KIAA1549L: variants seen among roughly 807,000 people sequenced by gnomAD.
KIAA1549L encodes UPF0606 protein KIAA1549L.
In KIAA1549L, 88 loss-of-function variants were observed where a neutral mutation model predicts 160.7. The ratio of observed to expected loss-of-function variants is 0.55; its 90% CI spans 0.46 to 0.65. The LOEUF is 0.65. KIAA1549L is among the 30% of genes least tolerant of loss of function. The pLI, the probability that KIAA1549L is intolerant of heterozygous loss-of-function variation, is 0.00. For synonymous variants in KIAA1549L, 950 were observed against 976.7 expected (o/e 0.97, Z 0.51); for missense variants, 2,258 against 2,437.5 (o/e 0.93, Z 1.55).
chr11:33,647,375 CAAAA>C (rs10578169), intron 17 of KIAA1549L, among the ~76,000 whole-genome samples: 15 of 115,108 alleles, frequency 1.3e-4, no homozygotes, highest in African/African-American at 3.0e-4. Context: ...GACTCTGTCT[CAAAA>C]AAAAAAAAAA....
At chr11:33,530,917 A>C (rs1049925783) in intron 1 of KIAA1549L, among the ~76,000 whole-genome samples, 1 of 152,330 alleles carries the variant, frequency 6.6e-6, no homozygotes, top group Non-Finnish European at 1.5e-5. Flanking sequence ...AGGCAGTGCG[A>C]AGTTGGATGT....
chr11:33,577,522 G>A (rs1353448033), intron 10 of KIAA1549L, among the ~76,000 whole-genome samples: 2 of 152,194 alleles, frequency 1.3e-5, no homozygotes, highest in Non-Finnish European at 2.9e-5. Context: ...GGGGTCCGCA[G>A]GGACAGCTGG....
intron 15 of KIAA1549L, among the ~76,000 whole-genome samples, chr11:33,614,551 T>TCC (rs1850738150): frequency 2.2e-4 from 3 of 13,702 alleles, no homozygotes; most frequent in African/African-American, 3.4e-4. Flanking sequence ...TATATATATA[T>TCC]ATATATATAT....
chr11:33,459,539 C>G (rs1382735185), intron 1 of KIAA1549L, among the ~76,000 whole-genome samples: 2 of 152,156 alleles, frequency 1.3e-5, no homozygotes, highest in Admixed American at 1.3e-4. Context: ...TAACATATTA[C>G]ATTTTGTCAC....
In KIAA1549L at chr11:33,571,847, G is replaced by A. The variant is rs538439168; in HGVS notation, c.4231-2855G>A. On this transcript the variant is annotated intron_variant, in intron 9 of 20. Coordinates refer to ENST00000658780, the MANE Select transcript of KIAA1549L (RefSeq NM_012194.3). ...TGAAAAGGGGCTCTCTGGCCAAATC[G>A]GTTTGGGCAAGGCTGCATCCTAAAG... 5.9e-4 allele frequency among the ~76,000 whole-genome samples: 90 copies of A among 152,148 alleles called. 1 individual carries two copies. In the South Asian group the frequency reaches 0.016, roughly 27 times the overall value.
chr11:33,492,398 A>T lies in KIAA1549L; in HGVS notation c.239-49404A>T, dbSNP rs79802730. 2.4e-3 allele frequency among the ~76,000 whole-genome samples: 372 copies of T among 152,266 alleles called. 4 individuals carry two copies. In the South Asian group the frequency reaches 0.026, roughly 10 times the overall value. ...ACCCCAAAAAGAACAATTTTGTATA[A>T]GATTTCAGTGAGTTCAGGGTGACCT... On this transcript the variant is annotated intron_variant, in intron 1 of 20. Transcript: ENST00000658780.
At chr11:33,465,141 C>T (rs553684929) in intron 1 of KIAA1549L, among the ~76,000 whole-genome samples, 31 of 150,332 alleles carry the variant, frequency 2.1e-4, no homozygotes, top group African/African-American at 7.1e-4. Flanking sequence ...CTGCAACCTC[C>T]GCCTCCCAGG....
At chr11:33,559,958 C>T in intron 7 of KIAA1549L, 47 bp downstream of exon 7, 2 of 1,572,020 alleles carry the variant, frequency 1.3e-6, no homozygotes, top group Non-Finnish European at 1.7e-6. Flanking sequence ...CCCCTGTGGC[C>T]TTTCTCCATT....
intron 15 of KIAA1549L, 62 bp from the exon 16 acceptor site, chr11:33,618,471 A>C: frequency 6.7e-7 from 1 of 1,489,714 alleles, no homozygotes; most frequent in East Asian, 2.4e-5. Context: ...ACTTTGGATC[A>C]GTGGAGAATT....
At chr11:33,446,145 A>C (rs1038126563) in intron 1 of KIAA1549L, among the ~76,000 whole-genome samples, 1 of 147,872 alleles carries the variant, frequency 6.8e-6, no homozygotes, top group African/African-American at 2.5e-5. Flanking sequence ...CCCAGGCTGG[A>C]ATGCAGTGGT....
intron 9 of KIAA1549L, among the ~76,000 whole-genome samples, chr11:33,570,736 T>G (rs1855225412): frequency 6.6e-6 from 1 of 152,198 alleles, no homozygotes; most frequent in Admixed American, 6.5e-5. Context: ...GTTGACATAT[T>G]TGAAAAATTG....
intron 1 of KIAA1549L, among the ~76,000 whole-genome samples, chr11:33,521,807 A>C (rs1432000684): frequency 1.3e-5 from 2 of 152,214 alleles, no homozygotes; most frequent in Non-Finnish European, 2.9e-5. Context: ...AGACATCTTG[A>C]TACTCTGTTG....
At chr11:33,610,240 C>T (rs1850615874) in intron 15 of KIAA1549L, among the ~76,000 whole-genome samples, 1 of 152,104 alleles carries the variant, frequency 6.6e-6, no homozygotes, top group East Asian at 1.9e-4. Context: ...TTTTTCAGAG[C>T]TGAATGAAGA....
chr11:33,646,516 A>G (rs1851728536), intron 17 of KIAA1549L, among the ~76,000 whole-genome samples: 1 of 152,250 alleles, frequency 6.6e-6, no homozygotes, highest in South Asian at 2.1e-4. Flanking sequence ...CACTTGTGTT[A>G]AATAAAATTA....
At position 33,517,493 on chromosome 11, in the gene KIAA1549L, T is replaced by TA. The variant is rs574293925; in HGVS notation, c.239-24308dup. Among the ~76,000 whole-genome samples the TA allele has an allele frequency of 1.4e-3, 220 of 152,304 alleles. 1 individual carries two copies. Among genetic ancestry groups the TA allele is most frequent in the African/African-American group, 5.1e-3 (211 of 41,556 alleles). On this transcript the variant is annotated intron_variant, in intron 1 of 20. Coordinates refer to ENST00000658780, the MANE Select transcript of KIAA1549L (RefSeq NM_012194.3). ...TAGTAAAAAGAATCCTTGGTGTTGA[T>TA]AGAGAATGTGGCCATTATGCCTTAT...
At chr11:33,472,360 A>T (rs1852198845) in intron 1 of KIAA1549L, among the ~76,000 whole-genome samples, 1 of 147,170 alleles carries the variant, frequency 6.8e-6, no homozygotes, top group South Asian at 2.2e-4. Context: ...GCCTCAAGAG[A>T]TCCTCCCATT....
intron 4 of KIAA1549L, among the ~76,000 whole-genome samples, chr11:33,548,370 G>A (rs747374238): frequency 4.6e-5 from 7 of 152,194 alleles, no homozygotes; most frequent in Non-Finnish European, 7.3e-5. Flanking sequence ...CTGCACTCCA[G>A]CCTGGGTGAC....
In KIAA1549L at chr11:33,583,406, A is replaced by G; in HGVS notation, c.4471A>G (p.Thr1491Ala). Reference protein sequence around the residue: ...AAVLAPIAVVTVIIIIITAVL... With the variant: ...AAVLAPIAVVAVIIIIITAVL... ...AGTGCTGGCGCCCATTGCCGTGGTC[A>G]CGGTCATCATCATCATCATCACTGC... The change falls in exon 11 of 21, where the codon ACG becomes GCG. Residue 1491 changes from threonine (T) to alanine (A), a missense_variant. Coordinates refer to ENST00000658780, the MANE Select transcript of KIAA1549L (RefSeq NM_012194.3). 1 of 1,602,960 alleles carries G rather than the reference A, an allele frequency of 6.2e-7. No individual in the cohort carries two copies. The highest frequency in any genetic ancestry group is 1.1e-5 in the South Asian group (1 of 88,622).
At position 33,586,007 on chromosome 11, in the gene KIAA1549L, C is replaced by A. The variant is rs1849859321; in HGVS notation, c.4566+2506C>A. Among the ~76,000 whole-genome samples, 6 of 152,226 alleles carry A rather than the reference C, an allele frequency of 3.9e-5. No homozygotes were observed. The South Asian group carries it at 1.2e-3, about 31-fold the overall frequency. On this transcript the variant is annotated intron_variant, in intron 11 of 20. Coordinates refer to ENST00000658780, the MANE Select transcript of KIAA1549L (RefSeq NM_012194.3). Reference sequence around the variant, plus strand: ...ATCATGGGAAACCAGCAGGGTGGAACTGCCTCCTGCTTACTGCAGTTCTTC... The same window carrying A: ...ATCATGGGAAACCAGCAGGGTGGAAATGCCTCCTGCTTACTGCAGTTCTTC...
Sources: allele counts gnomAD v4.1 joint callset (sites outside exome capture counted in the v4.1 genomes callset), GRCh38; gene constraint gnomAD v4.1.1; transcripts MANE v1.5; gene names NCBI Gene and HGNC (gene_info 2026-07-23, HGNC 2026-07-21).